The following TUSC3 variants were observed in gnomAD, a reference collection of about 807,000 sequenced individuals.
TUSC3 encodes the protein dolichyl-diphosphooligosaccharide--protein glycosyltransferase subunit TUSC3.
In TUSC3, 45 loss-of-function variants were observed where a neutral mutation model predicts 44.8. That is an observed-to-expected ratio of 1.00 (90% CI 0.79 to 1.29). The LOEUF (loss-of-function observed/expected upper bound fraction) is 1.29. TUSC3 is among the 50% of genes most tolerant of loss of function. The pLI is 0.00. For missense variants in TUSC3, 519 were observed against 437.9 expected (o/e 1.19, Z -1.65); for synonymous variants, 212 against 152.9 (o/e 1.39, Z -2.85).
chr8:15,741,705 A>G (rs1456031410), intron 7 of TUSC3, among the ~76,000 whole-genome samples: 1 of 152,168 alleles, frequency 6.6e-6, no homozygotes, highest in Non-Finnish European at 1.5e-5. Flanking sequence ...AAAAAAAAAA[A>G]ATTAAAAAGT....
At chr8:15,437,758 T>C (rs960631978) in intron 1 of TUSC3, among the ~76,000 whole-genome samples, 11 of 152,194 alleles carry the variant, frequency 7.2e-5, no homozygotes, top group Non-Finnish European at 8.8e-5. Context: ...TGTTTGCTCA[T>C]GGAAACCAGG....
At chr8:15,753,443 A>G (rs969766894) in intron 9 of TUSC3, among the ~76,000 whole-genome samples, 3 of 152,104 alleles carry the variant, frequency 2.0e-5, no homozygotes, top group South Asian at 2.1e-4. Context: ...TTTATATAGT[A>G]TAACTGTTCC....
At chr8:15,724,123 G>T (rs1019932284) in intron 6 of TUSC3, among the ~76,000 whole-genome samples, 1 of 152,084 alleles carries the variant, frequency 6.6e-6, no homozygotes, top group African/African-American at 2.4e-5. Flanking sequence ...ACCTATCTCT[G>T]TCTGCTCACA....
intron 1 of TUSC3, among the ~76,000 whole-genome samples, chr8:15,584,170 C>G (rs1803499078): frequency 1.3e-5 from 2 of 152,072 alleles, no homozygotes; most frequent in Non-Finnish European, 2.9e-5. Context: ...TTGTCAACGT[C>G]ATAAAAGTAT....
At chr8:15,467,522 T>G (rs1800429410) in intron 1 of TUSC3, among the ~76,000 whole-genome samples, 1 of 152,172 alleles carries the variant, frequency 6.6e-6, no homozygotes. Flanking sequence ...TTGCACTAAT[T>G]GATCTTATTC....
At chr8:15,550,072 T>C (rs181250176) in intron 1 of TUSC3, among the ~76,000 whole-genome samples, 1 of 151,614 alleles carries the variant, frequency 6.6e-6, no homozygotes, top group Non-Finnish European at 1.5e-5. Context: ...CCTGCACCAG[T>C]AATTAGAATG....
At chr8:15,540,186 G>C, upstream of TUSC3, 1 of 474,506 alleles carries the variant, frequency 2.1e-6, no homozygotes, top group Non-Finnish European at 3.5e-6. Context: ...CCGAAGCCTG[G>C]CTCCCTCGCC....
intron 6 of TUSC3, among the ~76,000 whole-genome samples, chr8:15,696,403 G>C (rs543995830): frequency 1.8e-4 from 28 of 152,288 alleles, no homozygotes; most frequent in African/African-American, 6.5e-4. Context: ...AGGATGTATG[G>C]AAACACCTGG....
intron 2 of TUSC3, among the ~76,000 whole-genome samples, chr8:15,521,636 C>G (rs975766235): frequency 6.6e-6 from 1 of 152,078 alleles, no homozygotes; most frequent in African/African-American, 2.4e-5. Flanking sequence ...AAGGTACGTG[C>G]ATAAACTTTA....
intron 1 of TUSC3, among the ~76,000 whole-genome samples, chr8:15,478,457 GTGT>G (rs1800612364): frequency 6.6e-6 from 1 of 152,064 alleles, no homozygotes; most frequent in Non-Finnish European, 1.5e-5. Context: ...GCCCCAATGT[GTGT>G]TGTTCGCCTC....
intron 5 of TUSC3, among the ~76,000 whole-genome samples, chr8:15,672,515 C>T (rs2129183082): frequency 6.6e-6 from 1 of 152,136 alleles, no homozygotes; most frequent in Non-Finnish European, 1.5e-5. Context: ...TGCACAGGTG[C>T]TGAAGATACA....
intron 2 of TUSC3, among the ~76,000 whole-genome samples, chr8:15,500,945 A>T (rs1439419750): frequency 6.6e-6 from 1 of 152,190 alleles, no homozygotes; most frequent in East Asian, 1.9e-4. Context: ...AAGGTATAAC[A>T]TAATAACTTT....
intron 2 of TUSC3, among the ~76,000 whole-genome samples, chr8:15,628,722 A>G (rs6988130): frequency 1 from 152,316 of 152,350 alleles, 76,141 homozygotes; most frequent in Middle Eastern, 1. Context: ...TAGCATTGAG[A>G]TACCGTTTTT....
intron 1 of TUSC3, among the ~76,000 whole-genome samples, chr8:15,432,059 T>C (rs1242796628): frequency 6.6e-6 from 1 of 151,874 alleles, no homozygotes; most frequent in East Asian, 2.0e-4. Context: ...TCATCAGGGA[T>C]ATTGGCTTGT....
intron 6 of TUSC3, among the ~76,000 whole-genome samples, chr8:15,715,107 T>C (rs1040078161): frequency 6.6e-6 from 1 of 152,130 alleles, no homozygotes; most frequent in African/African-American, 2.4e-5. Flanking sequence ...TTTCCTGTTC[T>C]GATAATTAAA....
the TUSC3 span, among the ~76,000 whole-genome samples, chr8:15,778,110 A>T: frequency 9.0e-6 from 1 of 110,752 alleles, no homozygotes; most frequent in Non-Finnish European, 2.0e-5. Flanking sequence ...AAAAAAAAAA[A>T]ACAAAAAACC....
At position 15,659,661 on chromosome 8, in the gene TUSC3, C is replaced by T. The variant is rs1302899643; in HGVS notation, c.567+14C>T. 6.8e-6 allele frequency: 11 copies of T among 1,611,190 alleles called. No individual in the cohort carries two copies. In the Admixed American group the frequency reaches 1.8e-4, roughly 27 times the overall value. Reference sequence around the variant, plus strand: ...ACGGATGTTCATGTATGTTTTTATTCCTCACAGTTTTAATAATAGGCTGGT... The same window carrying T: ...ACGGATGTTCATGTATGTTTTTATTTCTCACAGTTTTAATAATAGGCTGGT... On this transcript the variant is annotated intron_variant, in intron 4 of 10. Coordinates refer to ENST00000503731, the MANE Select transcript of TUSC3 (RefSeq NM_006765.4).
At chr8:15,614,977 G>A (rs144765107) in intron 1 of TUSC3, among the ~76,000 whole-genome samples, 1 of 148,262 alleles carries the variant, frequency 6.7e-6, no homozygotes, top group African/African-American at 2.5e-5. Flanking sequence ...GGAAAAGGAC[G>A]CGTAGTAAAG....
the TUSC3 span, chr8:15,806,180 G>A: frequency 4.1e-6 from 2 of 484,924 alleles, no homozygotes; most frequent in South Asian, 1.8e-5. Flanking sequence ...TGGAGTCACT[G>A]TCATCATTTT....
Sources: allele counts gnomAD v4.1 joint callset (sites outside exome capture counted in the v4.1 genomes callset), GRCh38; gene constraint gnomAD v4.1.1; transcripts MANE v1.5; gene names NCBI Gene and HGNC (gene_info 2026-07-23, HGNC 2026-07-21).